The following ZFHX4 variants were observed in gnomAD, a reference collection of about 807,000 sequenced individuals.
ZFHX4 encodes the protein zinc finger homeobox 4, also known as zinc finger homeobox protein 4.
In ZFHX4, 56 loss-of-function variants were observed where a neutral mutation model predicts 267.6. That is an observed-to-expected ratio of 0.21 (90% CI 0.17 to 0.26). The LOEUF is 0.26. Ranked by LOEUF, ZFHX4 falls within the 10% of genes least tolerant of loss-of-function variation. The pLI is 1.00. For synonymous variants in ZFHX4, 1,778 were observed against 1,665.6 expected, an observed-to-expected ratio of 1.07 and a Z score of -1.64; for missense variants, 4,332 against 4,420.0, an observed-to-expected ratio of 0.98 and a Z score of 0.56.
chr8:76,807,045 C>T (rs983347249), intron 4 of ZFHX4, among the ~76,000 whole-genome samples: 1 of 152,120 alleles, frequency 6.6e-6, no homozygotes, highest in African/African-American at 2.4e-5. Flanking sequence ...GCATGATCAT[C>T]TGATTTCTCC....
chr8:76,765,520 T>TC (rs1294264971), intron 3 of ZFHX4, among the ~76,000 whole-genome samples: 1 of 152,152 alleles, frequency 6.6e-6, no homozygotes, highest in African/African-American at 2.4e-5. Context: ...TAAATTTATT[T>TC]CCCCAATAAA....
At chr8:76,798,075 G>T (rs976173433) in intron 4 of ZFHX4, among the ~76,000 whole-genome samples, 2 of 152,038 alleles carry the variant, frequency 1.3e-5, no homozygotes, top group Non-Finnish European at 2.9e-5. Context: ...TGCAGATAAA[G>T]AATAAGGCAT....
At chr8:76,835,459 T>C (rs997766829) in intron 5 of ZFHX4, among the ~76,000 whole-genome samples, 40 of 151,610 alleles carry the variant, frequency 2.6e-4, no homozygotes, top group Admixed American at 1.1e-3. Context: ...AATAAATGAT[T>C]ACCAAAGTCC....
chr8:76,754,543 T>C (rs1385000770), intron 3 of ZFHX4, among the ~76,000 whole-genome samples: 1 of 152,134 alleles, frequency 6.6e-6, no homozygotes, highest in Non-Finnish European at 1.5e-5. Flanking sequence ...TTTTTTGTTT[T>C]GTTTTGTTTT....
chr8:76,707,423 AGCTTTTT>A, intron 2 of ZFHX4, 116 bp from the exon 3 acceptor site: 2 of 885,186 alleles, frequency 2.3e-6, no homozygotes, highest in African/African-American at 1.7e-5. Context: ...ATCCTATTAC[AGCTTTTT>A]ATAGTTTAAG....
chr8:76,799,872 T>A (rs1431271871), intron 4 of ZFHX4, among the ~76,000 whole-genome samples: 2 of 152,194 alleles, frequency 1.3e-5, no homozygotes, highest in Non-Finnish European at 2.9e-5. Context: ...GCTGTATACC[T>A]CCCGTGTTCA....
intron 3 of ZFHX4, among the ~76,000 whole-genome samples, chr8:76,762,462 G>T (rs1360270958): frequency 6.6e-6 from 1 of 152,140 alleles, no homozygotes; most frequent in Non-Finnish European, 1.5e-5. Flanking sequence ...TAAGTTTAAA[G>T]TGATTGTTTT....
At chr8:76,814,102 C>CA (rs1811444446) in intron 4 of ZFHX4, among the ~76,000 whole-genome samples, 1 of 152,052 alleles carries the variant, frequency 6.6e-6, no homozygotes, top group African/African-American at 2.4e-5. Flanking sequence ...GACAGAGTCT[C>CA]ACACTGTCAC....
At chr8:76,706,885 G>T (rs1328867907) in intron 2 of ZFHX4, among the ~76,000 whole-genome samples, 1 of 152,192 alleles carries the variant, frequency 6.6e-6, no homozygotes, top group Non-Finnish European at 1.5e-5. Flanking sequence ...AGGGATCAAT[G>T]GCGGCATCAG....
chr8:76,715,515 C>T (rs977977323), intron 3 of ZFHX4, among the ~76,000 whole-genome samples: 3 of 120,040 alleles, frequency 2.5e-5, no homozygotes, highest in Non-Finnish European at 5.2e-5. Flanking sequence ...AAAAGAAATG[C>T]AAAATGTGTC....
At chr8:76,802,451 T>TA (rs947430662) in intron 4 of ZFHX4, among the ~76,000 whole-genome samples, 1 of 152,138 alleles carries the variant, frequency 6.6e-6, no homozygotes, top group African/African-American at 2.4e-5. Flanking sequence ...ACTTGTAGCA[T>TA]AAAAAAATTA....
chr8:76,828,740 T>C (rs1490841650), intron 4 of ZFHX4, among the ~76,000 whole-genome samples: 3 of 152,176 alleles, frequency 2.0e-5, no homozygotes, highest in Non-Finnish European at 4.4e-5. Context: ...AACTCTATCA[T>C]AGAATTTAGT....
rs747477614 is a variant in ZFHX4 at position 76,855,006 on chromosome 8, C to T, written c.8085C>T (p.Arg2695=). The change falls in exon 10 of 11, where the codon CGC becomes CGT. Residue 2695 remains arginine, a synonymous_variant. Coordinates refer to ENST00000651372, the MANE Select transcript of ZFHX4 (RefSeq NM_024721.5). ...AGTCGGCCTTAGAAAGCCACATTCGCTCTCGGCACTGGAATGAAGGAAAGC... is the reference window on the plus strand; with the variant it reads ...AGTCGGCCTTAGAAAGCCACATTCGTTCTCGGCACTGGAATGAAGGAAAGC... ...KAKSALESHI[R]SRHWNEGKQA... 1.9e-6 allele frequency: 3 copies of T among 1,613,962 alleles called. No homozygotes were observed. The South Asian group carries it at 3.3e-5, about 18-fold the overall frequency.
chr8:76,763,906 C>T (rs1809983381), intron 3 of ZFHX4, among the ~76,000 whole-genome samples: 1 of 152,176 alleles, frequency 6.6e-6, no homozygotes, highest in South Asian at 2.1e-4. Context: ...TAAAGATATA[C>T]ATCATTGGAT....
In ZFHX4 at chr8:76,854,655, A is replaced by G. The variant is rs1322973997; in HGVS notation, c.7734A>G (p.Leu2578=). 1.2e-5 allele frequency: 19 copies of G among 1,613,610 alleles called. No individual in the cohort carries two copies. The highest frequency in any genetic ancestry group is 1.5e-5 in the Non-Finnish European group (18 of 1,179,856). Residue 2578 remains leucine (L), a synonymous_variant, in exon 10 of 11, where the codon CTA becomes CTG. Coordinates refer to ENST00000651372, the MANE Select transcript of ZFHX4 (RefSeq NM_024721.5). ...TTAPTTVAAS[L]KRKLDDKEDN... is the part of the protein sequence containing the mutation. ...CCCCCACAACGGTTGCTGCTTCCCT[A>G]AAAAGGAAACTAGACGATAAAGAAG...
intron 4 of ZFHX4, among the ~76,000 whole-genome samples, chr8:76,783,119 G>A (rs886502862): frequency 2.6e-5 from 4 of 151,866 alleles, no homozygotes; most frequent in African/African-American, 9.7e-5. Context: ...CTCACGAAAT[G>A]GCATCATTTT....
chr8:76,767,844 T>C (rs1810091277), intron 3 of ZFHX4, among the ~76,000 whole-genome samples: 1 of 152,208 alleles, frequency 6.6e-6, no homozygotes, highest in South Asian at 2.1e-4. Context: ...TCTCTGGATA[T>C]GGGATTTTTA....
At chr8:76,793,297 G>A (rs764206898) in intron 4 of ZFHX4, among the ~76,000 whole-genome samples, 26 of 150,524 alleles carry the variant, frequency 1.7e-4, no homozygotes, top group Non-Finnish European at 2.7e-4. Context: ...ACATACAGGC[G>A]TTCTCAAATA....
At chr8:76,835,138 T>G (rs1812037113) in intron 5 of ZFHX4, among the ~76,000 whole-genome samples, 1 of 148,818 alleles carries the variant, frequency 6.7e-6, no homozygotes, top group South Asian at 2.1e-4. Flanking sequence ...TGGAGTTATT[T>G]TTGGTAATTA....
Sources: gnomAD v4.1 joint callset for allele counts (sites outside exome capture counted in the v4.1 genomes callset) on GRCh38, gnomAD v4.1.1 for gene constraint, MANE v1.5 for transcripts, NCBI Gene and HGNC (gene_info 2026-07-23, HGNC 2026-07-21) for gene names.